Variants in FERMT2 observed in about 807,000 individuals in gnomAD.
FERMT2 encodes the protein fermitin family homolog 2.
Under a neutral mutation model 82.7 loss-of-function variants are expected in FERMT2, and 15 were observed. That is an observed-to-expected ratio of 0.18 (90% CI 0.12 to 0.28). The LOEUF (loss-of-function observed/expected upper bound fraction) is 0.28. Ranked by LOEUF, FERMT2 falls within the 10% of genes least tolerant of loss-of-function variation. The probability of loss-of-function intolerance (pLI) is 1.00; values close to 1 mark genes in which losing one functional copy is unlikely to be tolerated. For synonymous variants in FERMT2, 274 were observed against 271.5 expected (o/e 1.01, Z -0.09); for missense variants, 645 against 809.4 (o/e 0.80, Z 2.46).
intron 13 of FERMT2, 150 bp downstream of exon 13, chr14:52,860,191 A>G (rs1332564017): frequency 1.7e-6 from 1 of 600,832 alleles, no homozygotes; most frequent in Admixed American, 3.7e-5. Flanking sequence ...AAAGCTTACA[A>G]AATACATTCT....
At chr14:52,864,001 GA>G (rs745496705) in intron 12 of FERMT2, among the ~76,000 whole-genome samples, 28 of 147,512 alleles carry the variant, frequency 1.9e-4, no homozygotes, top group African/African-American at 3.9e-4. Flanking sequence ...AAATGATAAA[GA>G]TTTTTTTTTT....
intron 3 of FERMT2, among the ~76,000 whole-genome samples, chr14:52,899,428 G>A (rs922036539): frequency 1.3e-5 from 2 of 152,110 alleles, no homozygotes; most frequent in African/African-American, 2.4e-5. Flanking sequence ...GATTGCGGGC[G>A]CCCGCCACCA....
intron 2 of FERMT2, among the ~76,000 whole-genome samples, chr14:52,946,538 A>G (rs1890364226): frequency 6.6e-6 from 1 of 152,136 alleles, no homozygotes; most frequent in Non-Finnish European, 1.5e-5. Flanking sequence ...CTGTAGTTCC[A>G]GCTACTCAGG....
intron 2 of FERMT2, among the ~76,000 whole-genome samples, chr14:52,943,226 C>T (rs1428341317): frequency 6.6e-6 from 1 of 151,766 alleles, no homozygotes; most frequent in Non-Finnish European, 1.5e-5. Context: ...AAAAAAATCA[C>T]TCTGAAGTGA....
chr14:52,886,317 GT>G (rs948963221), intron 4 of FERMT2, among the ~76,000 whole-genome samples: 3 of 151,740 alleles, frequency 2.0e-5, no homozygotes, highest in Non-Finnish European at 4.4e-5. Flanking sequence ...GTGATATAAT[GT>G]ATAGATATAT....
chr14:52,906,526 CAT>C (rs1312375868), intron 3 of FERMT2, among the ~76,000 whole-genome samples: 2 of 126,082 alleles, frequency 1.6e-5, no homozygotes, highest in East Asian at 2.4e-4. Context: ...CATAATGACA[CAT>C]AGTCAGGAGT....
At chr14:52,876,744 G>A (rs1384495787) in intron 7 of FERMT2, among the ~76,000 whole-genome samples, 1 of 152,048 alleles carries the variant, frequency 6.6e-6, no homozygotes, top group Non-Finnish European at 1.5e-5. Context: ...GGATCCAGAT[G>A]TCCCAAGGAG....
chr14:52,934,634 G>T (rs947071712), intron 2 of FERMT2, among the ~76,000 whole-genome samples: 2 of 152,138 alleles, frequency 1.3e-5, no homozygotes, highest in Non-Finnish European at 2.9e-5. Flanking sequence ...TATCATGTAT[G>T]TAAGTTTACC....
chr14:52,908,391 C>CT (rs1356383199), intron 3 of FERMT2, among the ~76,000 whole-genome samples: 8 of 151,932 alleles, frequency 5.3e-5, no homozygotes, highest in South Asian at 2.1e-4. Context: ...GTCATAGAAG[C>CT]TTTTTTTTAA....
chr14:52,904,641 C>T (rs532912697), intron 3 of FERMT2, among the ~76,000 whole-genome samples: 21 of 150,904 alleles, frequency 1.4e-4, no homozygotes, highest in African/African-American at 4.1e-4. Context: ...TGCATTGAGC[C>T]GAGATTGCAC....
At chr14:52,881,939 A>C in intron 4 of FERMT2, 1 of 415,682 alleles carries the variant, frequency 2.4e-6, no homozygotes, top group Non-Finnish European at 4.3e-6. Context: ...ATTTTCCCTA[A>C]TTGTGAATCA....
intron 3 of FERMT2, among the ~76,000 whole-genome samples, chr14:52,906,269 G>A (rs2139596530): frequency 6.6e-6 from 1 of 152,286 alleles, no homozygotes; most frequent in Middle Eastern, 3.4e-3. Context: ...ACCAGAGACT[G>A]TGGAAAGAAC....
chr14:52,916,365 A>T (rs931627125), intron 3 of FERMT2, among the ~76,000 whole-genome samples: 1 of 110,532 alleles, frequency 9.0e-6, no homozygotes, highest in African/African-American at 4.1e-5. Context: ...AGAAGAAAAG[A>T]AAAAAAAAAG....
chr14:52,911,551 T>C (rs1037212132), intron 3 of FERMT2, among the ~76,000 whole-genome samples: 2 of 151,636 alleles, frequency 1.3e-5, no homozygotes, highest in African/African-American at 4.9e-5. Flanking sequence ...CTAGGGAGGC[T>C]GAGGCAGGAG....
intron 4 of FERMT2, chr14:52,881,866 G>C (rs1162198744): frequency 1.0e-6 from 1 of 982,558 alleles, no homozygotes. Flanking sequence ...GAAGGTAAAG[G>C]AAAGGCCACA....
chr14:52,893,499 T>C, intron 3 of FERMT2, 72 bp from the exon 4 acceptor site: 1 of 1,195,528 alleles, frequency 8.4e-7, no homozygotes. Flanking sequence ...AAATCTATTG[T>C]TTCAAGATAA....
At chr14:52,926,090 A>C (rs2139659307) in intron 2 of FERMT2, among the ~76,000 whole-genome samples, 1 of 152,348 alleles carries the variant, frequency 6.6e-6, no homozygotes, top group South Asian at 2.1e-4. Context: ...ACATCCACAC[A>C]TTGAAGCTTT....
intron 3 of FERMT2, among the ~76,000 whole-genome samples, chr14:52,901,149 C>T (rs1474489318): frequency 6.9e-6 from 1 of 144,840 alleles, no homozygotes; most frequent in African/African-American, 2.5e-5. Context: ...GGCGTTGTGG[C>T]GGGCGCCTGT....
At chr14:52,892,458 T>TTTTTG (rs1555369025) in intron 4 of FERMT2, among the ~76,000 whole-genome samples, 2 of 143,898 alleles carry the variant, frequency 1.4e-5, no homozygotes, top group Non-Finnish European at 3.0e-5. Flanking sequence ...TGTTTTTTGT[T>TTTTTG]TTTTTTTTTT....
Sources: allele counts gnomAD v4.1 joint callset (sites outside exome capture counted in the v4.1 genomes callset), GRCh38; gene constraint gnomAD v4.1.1; transcripts MANE v1.5; gene names NCBI Gene and HGNC (gene_info 2026-07-23, HGNC 2026-07-21).